Variants in CD53 observed in about 807,000 individuals in gnomAD.
CD53 encodes leukocyte surface antigen CD53.
A neutral mutation model predicts 27.3 loss-of-function variants in CD53; 20 were observed. That is an observed-to-expected ratio of 0.73 (90% CI 0.52 to 1.07). The LOEUF is 1.07. Ranked by LOEUF, CD53 falls within the 50% of genes least tolerant of loss-of-function variation. The probability of loss-of-function intolerance (pLI) is 0.00; values close to 1 mark genes in which losing one functional copy is unlikely to be tolerated. For missense variants in CD53, 216 were observed against 264.0 expected, an observed-to-expected ratio of 0.82 and a Z score of 1.26; for synonymous variants, 106 against 105.3, an observed-to-expected ratio of 1.01 and a Z score of -0.04.
upstream of CD53, among the ~76,000 whole-genome samples, chr1:110,872,588 C>T (rs1655997066): frequency 6.6e-6 from 1 of 152,182 alleles, no homozygotes; most frequent in South Asian, 2.1e-4. Flanking sequence ...CTTGGGGACT[C>T]ACCTTAAGAC....
chr1:110,891,495 G>A (rs188506897), intron 2 of CD53, 24 bp downstream of exon 2: 174 of 1,585,708 alleles, frequency 1.1e-4, no homozygotes, highest in Admixed American at 4.8e-4. Flanking sequence ...TTCTGAGCAC[G>A]GTTTAGCTCA....
At chr1:110,878,854 A>C (rs890686117) in intron 1 of CD53, among the ~76,000 whole-genome samples, 2 of 152,200 alleles carry the variant, frequency 1.3e-5, no homozygotes, top group African/African-American at 2.4e-5. Context: ...CAATCTTAGC[A>C]TACAAAGGTG....
At chr1:110,887,205 A>G (rs1264063699) in intron 1 of CD53, among the ~76,000 whole-genome samples, 1 of 151,924 alleles carries the variant, frequency 6.6e-6, no homozygotes, top group Admixed American at 6.6e-5. Flanking sequence ...CTGGGACTAC[A>G]GGCGCCCACC....
chr1:110,883,721 T>C (rs865902584), intron 1 of CD53, among the ~76,000 whole-genome samples: 8 of 152,020 alleles, frequency 5.3e-5, no homozygotes, highest in African/African-American at 1.9e-4. Context: ...TTCAGTTTCT[T>C]ATTAGAGATA....
At chr1:110,886,865 A>ATTTT (rs1247400020) in intron 1 of CD53, among the ~76,000 whole-genome samples, 918 of 44,306 alleles carry the variant, frequency 0.021, 4 homozygotes, top group South Asian at 0.051. Context: ...ATATATATAT[A>ATTTT]TATATTTTTT....
chr1:110,891,407 G>T lies in CD53; in HGVS notation c.-2G>T. On this transcript the variant is annotated 5_prime_UTR_variant, in exon 2 of 8. Transcript: ENST00000271324. ...TATTCCTTAGGGCAAGAATATCACGGCATGGGCATGAGTAGCTTGAAACTG... is the reference window on the plus strand; with the variant it reads ...TATTCCTTAGGGCAAGAATATCACGTCATGGGCATGAGTAGCTTGAAACTG... 6.2e-7 allele frequency: 1 copy of T among 1,612,342 alleles called. No individual in the cohort carries two copies. The highest frequency in any genetic ancestry group is 8.5e-7 in the Non-Finnish European group (1 of 1,178,414).
chr1:110,876,559 T>C lies in CD53; in HGVS notation c.-18+3311T>C, dbSNP rs151228832. On this transcript the variant is annotated intron_variant, in intron 1 of 7. Coordinates refer to ENST00000271324, the MANE Select transcript of CD53 (RefSeq NM_000560.4). ...TAAGAAATGATTTTAATGCCTCATA[T>C]CTTTTAAAACTTGTTAAAGTTTACT... Among the ~76,000 whole-genome samples the C allele has an allele frequency of 6.9e-3, 1,046 of 152,260 alleles. 8 individuals carry two copies. The highest frequency in any genetic ancestry group is 0.011 in the Non-Finnish European group (776 of 67,984).
intron 1 of CD53, among the ~76,000 whole-genome samples, chr1:110,887,058 GTTTATTTTAT>G (rs71096370): frequency 2.0e-5 from 3 of 146,674 alleles, no homozygotes; most frequent in Non-Finnish European, 4.5e-5. Context: ...CTCTATTTAT[GTTTATTTTAT>G]TTTATTTTAT....
intron 1 of CD53, among the ~76,000 whole-genome samples, chr1:110,888,940 T>C (rs1437412975): frequency 6.6e-6 from 1 of 152,206 alleles, no homozygotes. Flanking sequence ...AAATATTCTT[T>C]GATCAACCCA....
intron 1 of CD53, among the ~76,000 whole-genome samples, chr1:110,874,612 CTG>C (rs1317860274): frequency 1.3e-5 from 2 of 152,226 alleles, no homozygotes; most frequent in African/African-American, 4.8e-5. Context: ...GGAGCAAAGA[CTG>C]AACTGAAACA....
At chr1:110,891,907 T>C (rs958315276) in intron 2 of CD53, among the ~76,000 whole-genome samples, 11 of 152,170 alleles carry the variant, frequency 7.2e-5, no homozygotes, top group Non-Finnish European at 1.5e-4. Flanking sequence ...ATAGGATGGG[T>C]TGGTACTTGT....
At chr1:110,883,260 T>A (rs961165309) in intron 1 of CD53, among the ~76,000 whole-genome samples, 1 of 151,980 alleles carries the variant, frequency 6.6e-6, no homozygotes, top group Non-Finnish European at 1.5e-5. Context: ...AGAGTTTTCA[T>A]CAAAAATAGA....
intron 1 of CD53, among the ~76,000 whole-genome samples, chr1:110,886,914 C>T (rs1164222076): frequency 7.9e-5 from 11 of 138,854 alleles, no homozygotes; most frequent in African/African-American, 1.6e-4. Context: ...TTTCTCTTGC[C>T]GTCTTCAAGT....
At chr1:110,888,165 A>C (rs1656704962) in intron 1 of CD53, among the ~76,000 whole-genome samples, 1 of 152,224 alleles carries the variant, frequency 6.6e-6, no homozygotes, top group Non-Finnish European at 1.5e-5. Flanking sequence ...CCTAGCCAAC[A>C]ACCTGAATGT....
chr1:110,878,413 A>T (rs1399968893), intron 1 of CD53, among the ~76,000 whole-genome samples: 2 of 152,214 alleles, frequency 1.3e-5, no homozygotes, highest in East Asian at 3.8e-4. Flanking sequence ...CTTGTATGTA[A>T]ATTGACAATC....
rs1181869289 is a variant in CD53, at chr1:110,896,593, C to T, written c.424-60C>T. The T allele has an allele frequency of 3.4e-5, 52 of 1,518,130 alleles. 1 individual carries two copies. The Admixed American group carries it at 9.1e-4, about 26-fold the overall frequency. The allele number at this position is 1,518,130 out of a possible 1,614,324, so 94.0% of individuals were successfully genotyped here. A position where few individuals can be genotyped will look rare whatever the true frequency, so the allele number is the denominator to read the frequency against. On this transcript the variant is annotated intron_variant, in intron 5 of 7. Transcript: ENST00000271324. ...AGGGCACACCTTTTCCTCTAAGGTC[C>T]ACAGCTTTTTTTCACTGTTGACTTT...
At chr1:110,899,035 C>T (rs769342134) in intron 7 of CD53, 89 bp from the exon 8 acceptor site, 8 of 924,924 alleles carry the variant, frequency 8.6e-6, no homozygotes, top group East Asian at 2.5e-5. Flanking sequence ...GTAATGGATA[C>T]ATTCTTTTTC....
intron 1 of CD53, among the ~76,000 whole-genome samples, chr1:110,888,452 A>G (rs148956343): frequency 3.3e-4 from 50 of 152,248 alleles, no homozygotes; most frequent in Non-Finnish European, 6.0e-4. Flanking sequence ...CAGGGCTCAC[A>G]CCATTTATTT....
chr1:110,877,988 G>A (rs1288226804), intron 1 of CD53, among the ~76,000 whole-genome samples: 2 of 152,162 alleles, frequency 1.3e-5, no homozygotes, highest in Non-Finnish European at 2.9e-5. Context: ...GGAAGTAATA[G>A]GCACAAAACC....
Sources: gnomAD v4.1 joint callset for allele counts (sites outside exome capture counted in the v4.1 genomes callset) on GRCh38, gnomAD v4.1.1 for gene constraint, MANE v1.5 for transcripts, NCBI Gene and HGNC (gene_info 2026-07-23, HGNC 2026-07-21) for gene names.